RBL1: variants seen among roughly 807,000 people sequenced by gnomAD.
RBL1 encodes retinoblastoma-like protein 1.
In RBL1, 82 loss-of-function variants were observed where a neutral mutation model predicts 123.0. The observed-to-expected ratio is 0.67, with a 90% confidence interval of 0.56 to 0.80. The LOEUF (loss-of-function observed/expected upper bound fraction) is 0.80, where lower values mean the gene tolerates loss of function less well. RBL1 is among the 30% of genes least tolerant of loss of function. The pLI, the probability that RBL1 is intolerant of heterozygous loss-of-function variation, is 0.00. For missense variants in RBL1, 1,171 were observed against 1,299.6 expected (o/e 0.90, Z 1.52); for synonymous variants, 405 against 441.3 (o/e 0.92, Z 1.03).
chr20:37,003,538 A>T, intron 21 of RBL1, 164 bp downstream of exon 21: 1 of 1,220,798 alleles, frequency 8.2e-7, no homozygotes, highest in South Asian at 2.8e-5. Context: ...AACTACCTCA[A>T]ACTGAATATA....
intron 1 of RBL1, among the ~76,000 whole-genome samples, chr20:37,094,877 A>G (rs1337356109): frequency 6.6e-6 from 1 of 152,072 alleles, no homozygotes. Context: ...GCCTCAAGTG[A>G]TCCGCCCGCC....
chr20:37,055,520 C>T, intron 11 of RBL1, 33 bp downstream of exon 11: 12 of 1,613,484 alleles, frequency 7.4e-6, no homozygotes, highest in Non-Finnish European at 9.3e-6. Context: ...ACTTTTGGAC[C>T]TTGCCAGTAG....
intron 11 of RBL1, among the ~76,000 whole-genome samples, chr20:37,048,853 TAGG>T (rs2064856500): frequency 1.4e-5 from 2 of 147,570 alleles, no homozygotes; most frequent in South Asian, 4.2e-4. Context: ...CACTTGAACC[TAGG>T]AGTTTTGACA....
intron 17 of RBL1, among the ~76,000 whole-genome samples, chr20:37,022,274 C>T (rs1034866235): frequency 6.6e-6 from 1 of 152,178 alleles, no homozygotes; most frequent in Non-Finnish European, 1.5e-5. Flanking sequence ...AAGTAAAATG[C>T]TCTTCTGAGG....
At chr20:37,044,807 T>G (rs1299561300) in intron 12 of RBL1, among the ~76,000 whole-genome samples, 1 of 152,198 alleles carries the variant, frequency 6.6e-6, no homozygotes, top group Non-Finnish European at 1.5e-5. Context: ...GAGGCAACGA[T>G]AGGTGAAAAC....
At chr20:37,092,533 T>C (rs2065665858) in intron 1 of RBL1, among the ~76,000 whole-genome samples, 1 of 152,118 alleles carries the variant, frequency 6.6e-6, no homozygotes, top group South Asian at 2.1e-4. Flanking sequence ...CACACCCAGC[T>C]AATTTTTGTA....
chr20:37,067,017 C>CTT lies in RBL1; in HGVS notation c.659_660dup (p.Asp221LysfsTer4). On this transcript the variant is annotated frameshift_variant, in exon 5 of 22. Transcript: ENST00000373664. LOFTEE classifies it high-confidence loss of function. ...CCTTTAAATGATGGATTTAGCAAGT[C>CTT]TTGTCTATTTGGGCACATAATCGCA... is the stretch of plus-strand genomic sequence containing the variant. The CTT allele has an allele frequency of 6.2e-7, 1 of 1,609,080 alleles. No individual in the cohort carries two copies. Among genetic ancestry groups the CTT allele is most frequent in the Non-Finnish European group, 8.5e-7 (1 of 1,176,542 alleles).
intron 2 of RBL1, among the ~76,000 whole-genome samples, chr20:37,075,118 T>C (rs1374550378): frequency 6.6e-6 from 1 of 152,188 alleles, no homozygotes; most frequent in East Asian, 1.9e-4. Context: ...GAAGACCACA[T>C]ATTATACGAT....
chr20:37,089,254 T>A (rs1467967496), intron 1 of RBL1, 132 bp from the exon 2 acceptor site: 2 of 863,040 alleles, frequency 2.3e-6, no homozygotes, highest in Admixed American at 3.6e-5. Context: ...GAAGTGAAGA[T>A]ATTTGCCCAA....
Position 37,089,070 on chromosome 20 carries a change from C to T in RBL1, c.209G>A (p.Ser70Asn), listed in dbSNP as rs373363708. The change falls in exon 2 of 22, where the codon AGC (serine) becomes AAC (asparagine). Residue 70 changes from serine to asparagine, a missense_variant. Transcript: ENST00000373664. ...ACSLYVACRK[S>N]IIPTVGKGIM... is the part of the protein sequence containing the mutation. ...ACCCTTTCCAACCGTGGGAATAATG[C>T]TTTTGCGGCATGCAACATATAATGA... is the stretch of plus-strand genomic sequence containing the variant. 1.9e-6 allele frequency: 3 copies of T among 1,611,736 alleles called. No individual in the cohort carries two copies. The highest frequency in any genetic ancestry group is 2.2e-5 in the East Asian group (1 of 44,722).
chr20:37,034,376 AT>A (rs113851982), intron 15 of RBL1, among the ~76,000 whole-genome samples: 110 of 148,738 alleles, frequency 7.4e-4, no homozygotes, highest in South Asian at 3.0e-3. Flanking sequence ...AAAAAAAAGC[AT>A]TTTTTTTTTT....
chr20:37,076,159 C>G (rs970055700), intron 2 of RBL1, among the ~76,000 whole-genome samples: 5 of 152,136 alleles, frequency 3.3e-5, no homozygotes, highest in Non-Finnish European at 5.9e-5. Context: ...TGATGTCATA[C>G]TACAACAGTA....
At position 37,067,980 on chromosome 20, in the gene RBL1, G is replaced by T; in HGVS notation, c.491+6C>A. The stretch of plus-strand genomic sequence containing the variant: ...TATGTCAATTATATAAGGATTAAGG[G>T]CTCACCTCTGCTTCCGGCTTCGTGG... On this transcript the variant is annotated splice_donor_region_variant and intron_variant, in intron 3 of 21. Transcript: ENST00000373664. The T allele has an allele frequency of 1.2e-6, 2 of 1,612,736 alleles. No homozygotes were observed. Among genetic ancestry groups the T allele is most frequent in the Non-Finnish European group, 1.7e-6 (2 of 1,179,542 alleles).
chr20:37,001,318 A>T (rs2063976108), intron 21 of RBL1, among the ~76,000 whole-genome samples: 1 of 151,888 alleles, frequency 6.6e-6, no homozygotes, highest in South Asian at 2.1e-4. Context: ...TGGAATAGAA[A>T]GGGGGGAAAG....
chr20:37,012,095 C>A (rs1013564395), intron 19 of RBL1, among the ~76,000 whole-genome samples: 4 of 152,240 alleles, frequency 2.6e-5, no homozygotes, highest in African/African-American at 9.6e-5. Flanking sequence ...CAGCTCCTAA[C>A]CGCGAGTGAT....
chr20:37,001,083 A>G (rs1333356684), intron 21 of RBL1, among the ~76,000 whole-genome samples: 2 of 142,390 alleles, frequency 1.4e-5, no homozygotes, highest in African/African-American at 5.3e-5. Context: ...CGGGGAGGTC[A>G]GCCCCCCGCC....
chr20:37,079,582 C>T (rs1012758312), intron 2 of RBL1, among the ~76,000 whole-genome samples: 2 of 151,200 alleles, frequency 1.3e-5, no homozygotes, highest in African/African-American at 4.9e-5. Context: ...TCCTCTACCT[C>T]AGCCTCCCAA....
At chr20:37,090,057 C>G (rs1041369809) in intron 1 of RBL1, among the ~76,000 whole-genome samples, 1 of 151,932 alleles carries the variant, frequency 6.6e-6, no homozygotes, top group Non-Finnish European at 1.5e-5. Flanking sequence ...GTCACACACA[C>G]AAAAAAGATT....
intron 1 of RBL1, among the ~76,000 whole-genome samples, chr20:37,094,794 C>T (rs1440294818): frequency 6.6e-6 from 1 of 152,156 alleles, no homozygotes; most frequent in Non-Finnish European, 1.5e-5. Context: ...CGCCACCACA[C>T]CCAGCTAGTT....
Sources: allele counts gnomAD v4.1 joint callset (sites outside exome capture counted in the v4.1 genomes callset), GRCh38; gene constraint gnomAD v4.1.1; transcripts MANE v1.5; gene names NCBI Gene and HGNC (gene_info 2026-07-23, HGNC 2026-07-21).